BCAS3: variants seen among roughly 807,000 people sequenced by gnomAD.
BCAS3 encodes BCAS4/BCAS3 fusion.
In BCAS3, 53 loss-of-function variants were observed where a neutral mutation model predicts 116.1. That is an observed-to-expected ratio of 0.46 (90% CI 0.37 to 0.57). The LOEUF is 0.57. Among genes scored for constraint, BCAS3 ranks in the 20% least tolerant of loss-of-function variants. BCAS3 has a pLI of 0.00. For missense variants in BCAS3, 917 were observed against 1,165.4 expected (o/e 0.79, Z 3.10); for synonymous variants, 391 against 408.2 (o/e 0.96, Z 0.51).
chr17:60,695,773 AT>A (rs1208417219), intron 4 of BCAS3, among the ~76,000 whole-genome samples: 1 of 151,900 alleles, frequency 6.6e-6, no homozygotes, highest in South Asian at 2.1e-4. Flanking sequence ...TTATTTTTAA[AT>A]TTTTTGTAGA....
rs71370187 is a variant in BCAS3 at position 61,089,509 on chromosome 17, C to CTTTTTTTTTTTTTTTTTTTTTTTTTTTT, written c.2425+4956_2425+4983dup. Reference sequence around the variant, plus strand: ...TTTTTCTTCGAGACGGAGTTTCACTCTTTTTTTTTTTTTTTTTTTTTTTTT... The same window carrying CTTTTTTTTTTTTTTTTTTTTTTTTTTTT: ...TTTTTCTTCGAGACGGAGTTTCACTCTTTTTTTTTTTTTTTTTTTTTTTTTTTTTTTTTTTTTTTTTTTTTTTTTTTTT... On this transcript the variant is annotated intron_variant, in intron 22 of 23. Transcript: ENST00000407086. Among the ~76,000 whole-genome samples the CTTTTTTTTTTTTTTTTTTTTTTTTTTTT allele has an allele frequency of 7.5e-5, 2 of 26,722 alleles. 1 individual carries two copies. The highest frequency in any genetic ancestry group is 1.3e-4 in the Non-Finnish European group (2 of 14,940). 17.5% of individuals were successfully genotyped at this position (26,722 alleles called of 152,430 possible). A position where few individuals can be genotyped will look rare whatever the true frequency, so the allele number is the denominator to read the frequency against.
chr17:61,354,153 C>G lies in BCAS3; in HGVS notation c.2426-14174C>G, dbSNP rs770877907. On this transcript the variant is annotated intron_variant, in intron 22 of 23. Transcript: ENST00000407086. This position sits in a 1 kb window ranked among gnomAD's most constrained non-coding sequence, Gnocchi z 4.5. ...CAGAAGGTCGCACAACCACCCTGGA[C>G]GGTGAGAAACTAAGGTGACTGAGGC... is the stretch of plus-strand genomic sequence containing the variant. 2.0e-5 allele frequency: 3 copies of G among 152,156 alleles called. No homozygotes were observed. Among genetic ancestry groups the G allele is most frequent in the Non-Finnish European group, 4.4e-5 (3 of 68,072 alleles). 9.4% of individuals were successfully genotyped at this position (152,156 alleles called of 1,614,324 possible). A position where few individuals can be genotyped will look rare whatever the true frequency, so the allele number is the denominator to read the frequency against.
At chr17:61,270,668 C>A (rs1230223689) in intron 22 of BCAS3, among the ~76,000 whole-genome samples, 2 of 152,164 alleles carry the variant, frequency 1.3e-5, no homozygotes, top group Non-Finnish European at 2.9e-5. Flanking sequence ...ATTGCTAAAT[C>A]CAAATGTAAT....
chr17:60,715,294 C>T (rs746736760), intron 5 of BCAS3, among the ~76,000 whole-genome samples: 41 of 151,136 alleles, frequency 2.7e-4, no homozygotes, highest in African/African-American at 7.3e-4. Context: ...CCACCACACT[C>T]GGCTAATTGT....
At chr17:61,172,314 C>G (rs1014944954) in intron 22 of BCAS3, among the ~76,000 whole-genome samples, 2 of 152,174 alleles carry the variant, frequency 1.3e-5, no homozygotes, top group African/African-American at 4.8e-5. Context: ...ACCTTCTTTC[C>G]AAGTGCACAC....
At chr17:60,805,511 G>T (rs1256966246) in intron 6 of BCAS3, among the ~76,000 whole-genome samples, 2 of 152,156 alleles carry the variant, frequency 1.3e-5, no homozygotes, top group African/African-American at 4.8e-5. Flanking sequence ...GTGCATGTGT[G>T]TCCGAACAGG....
chr17:61,361,482 A>G lies in BCAS3; in HGVS notation c.2426-6845A>G, dbSNP rs73330776. On this transcript the variant is annotated intron_variant, in intron 22 of 23. Transcript: ENST00000407086. The surrounding 1 kb of genome is among the most constrained non-coding windows in gnomAD (Gnocchi z 6.5). ...TATAACATAATATAATATCTGATCT[A>G]TATCTATATCTATCTCACTGTGGGA... is the stretch of plus-strand genomic sequence containing the variant. 0.038 allele frequency among the ~76,000 whole-genome samples: 5,737 copies of G among 152,226 alleles called. 342 individuals carry two copies. The highest frequency in any genetic ancestry group is 0.13 in the African/African-American group (5,222 of 41,520).
chr17:61,294,223 T>C (rs971931901), intron 22 of BCAS3, among the ~76,000 whole-genome samples: 16 of 152,110 alleles, frequency 1.1e-4, no homozygotes, highest in South Asian at 2.1e-4. Flanking sequence ...TTACTCATCA[T>C]GTTTGAAAAA....
chr17:60,987,941 G>T (rs2063253424), intron 14 of BCAS3, among the ~76,000 whole-genome samples: 1 of 152,060 alleles, frequency 6.6e-6, no homozygotes, highest in South Asian at 2.1e-4. Flanking sequence ...TCCCTGTTCA[G>T]TAAGATACTA....
rs180936154 is a variant in BCAS3 at position 60,825,317 on chromosome 17, C to G, written c.476+17241C>G. ...ATTATATACATATCTTAGTAATATA[C>G]ATTTTGAAAATATAGATAATAGGTT... On this transcript the variant is annotated intron_variant, in intron 7 of 23. Transcript: ENST00000407086. Among the ~76,000 whole-genome samples, 89 of 151,556 alleles carry G rather than the reference C, an allele frequency of 5.9e-4. 4 individuals carry two copies. The highest frequency in any genetic ancestry group is 4.3e-3 in the East Asian group (22 of 5,158).
intron 22 of BCAS3, among the ~76,000 whole-genome samples, chr17:61,108,604 G>GTTTT (rs56299790): frequency 7.1e-6 from 1 of 140,146 alleles, no homozygotes; most frequent in African/African-American, 2.6e-5. Flanking sequence ...GTCTATAGTG[G>GTTTT]TTTTTTTTTT....
intron 13 of BCAS3, among the ~76,000 whole-genome samples, chr17:60,928,429 G>A (rs1234465631): frequency 1.3e-5 from 2 of 152,168 alleles, no homozygotes; most frequent in Non-Finnish European, 2.9e-5. Flanking sequence ...TCATTAGTTT[G>A]TTGTGCACAG....
Position 61,181,235 on chromosome 17 carries a change from A to G in BCAS3, c.2425+96671A>G, listed in dbSNP as rs1487592545. ...CAAACAGTTTAATTAATTAATTGGT[A>G]TGACTGGTGAGGAACAAGATGATTC... On this transcript the variant is annotated intron_variant, in intron 22 of 23. Coordinates refer to ENST00000407086, the MANE Select transcript of BCAS3 (RefSeq NM_017679.5). The surrounding 1 kb of genome is among the most constrained non-coding windows in gnomAD (Gnocchi z 5.0). Among the ~76,000 whole-genome samples, 1 of 152,186 alleles carries G rather than the reference A, an allele frequency of 6.6e-6. No homozygotes were observed. The highest frequency in any genetic ancestry group is 6.5e-5 in the Admixed American group (1 of 15,276).
intron 9 of BCAS3, among the ~76,000 whole-genome samples, chr17:60,880,379 C>T (rs1052050843): frequency 2.0e-5 from 3 of 152,204 alleles, no homozygotes; most frequent in Non-Finnish European, 4.4e-5. Flanking sequence ...GCCTCCATCT[C>T]CCGGCTTCAA....
chr17:61,170,331 C>T (rs943087187), intron 22 of BCAS3, among the ~76,000 whole-genome samples: 3 of 151,732 alleles, frequency 2.0e-5, no homozygotes, highest in Admixed American at 1.3e-4. Context: ...CTCGCTCTGT[C>T]GCCCAGGCTG....
At chr17:61,108,963 G>A (rs1181256873) in intron 22 of BCAS3, among the ~76,000 whole-genome samples, 9 of 151,996 alleles carry the variant, frequency 5.9e-5, no homozygotes, top group Admixed American at 3.3e-4. Flanking sequence ...TGAGGTGGGC[G>A]GATCACGAGG....
chr17:61,092,959 G>A (rs1301503171), intron 22 of BCAS3, among the ~76,000 whole-genome samples: 1 of 137,380 alleles, frequency 7.3e-6, no homozygotes, highest in South Asian at 2.3e-4. Flanking sequence ...AGGCTGGAGT[G>A]CAGTGGCATG....
chr17:60,769,734 C>T, intron 6 of BCAS3, among the ~76,000 whole-genome samples: 1 of 152,078 alleles, frequency 6.6e-6, no homozygotes, highest in East Asian at 1.9e-4. Context: ...CCAGTGGCCT[C>T]AGGGAAGAAC....
chr17:60,746,665 G>A (rs1035583310), intron 5 of BCAS3, among the ~76,000 whole-genome samples: 4 of 151,858 alleles, frequency 2.6e-5, no homozygotes, highest in East Asian at 1.9e-4. Context: ...TTTCCTTTTC[G>A]TTTTATGATT....
Sources: allele counts gnomAD v4.1 joint callset (sites outside exome capture counted in the v4.1 genomes callset), GRCh38; gene constraint gnomAD v4.1.1; non-coding constraint Gnocchi (gnomAD v3.1); transcripts MANE v1.5; gene names NCBI Gene and HGNC (gene_info 2026-07-23, HGNC 2026-07-21).